Variants in EXT1 observed in about 807,000 individuals in gnomAD.
EXT1 encodes exostosin glycosyltransferase 1, also known as exostosin-1.
In EXT1, 20 loss-of-function variants were observed where a neutral mutation model predicts 82.5. The ratio of observed to expected loss-of-function variants is 0.24; its 90% CI spans 0.17 to 0.35. The LOEUF (loss-of-function observed/expected upper bound fraction) is 0.35. EXT1 is among the 10% of genes least tolerant of loss of function. EXT1 has a pLI of 1.00. For missense variants in EXT1, 757 were observed against 936.5 expected, an observed-to-expected ratio of 0.81 and a Z score of 2.50; for synonymous variants, 348 against 350.8, an observed-to-expected ratio of 0.99 and a Z score of 0.09.
chr8:118,078,302 A>G (rs1221778233), intron 1 of EXT1, among the ~76,000 whole-genome samples: 1 of 152,170 alleles, frequency 6.6e-6, no homozygotes, highest in African/African-American at 2.4e-5. Flanking sequence ...AGGTTCAAGC[A>G]ATTCTCATGT....
chr8:117,992,358 G>A (rs543861378), intron 1 of EXT1, among the ~76,000 whole-genome samples: 3 of 149,028 alleles, frequency 2.0e-5, no homozygotes, highest in Non-Finnish European at 3.0e-5. Flanking sequence ...ACATTCAGGA[G>A]AGCAGCTCTG....
At position 117,807,393 on chromosome 8, in the gene EXT1, A is replaced by C; in HGVS notation, c.1723-16T>G. On this transcript the variant is annotated splice_polypyrimidine_tract_variant and intron_variant, in intron 8 of 10. Coordinates refer to ENST00000378204, the MANE Select transcript of EXT1 (RefSeq NM_000127.3). Reference sequence around the variant, plus strand: ...CGAAATCCACCTGCAGGCAGAACACAAGCCAAACAAGCAATCAACAGTGTT... The same window carrying C: ...CGAAATCCACCTGCAGGCAGAACACCAGCCAAACAAGCAATCAACAGTGTT... 1 of 1,614,134 alleles carries C rather than the reference A, an allele frequency of 6.2e-7. No individual in the cohort carries two copies. The highest frequency in any genetic ancestry group is 8.5e-7 in the Non-Finnish European group (1 of 1,180,020).
chr8:117,814,060 A>T (rs1420147911), intron 7 of EXT1, among the ~76,000 whole-genome samples: 1 of 151,712 alleles, frequency 6.6e-6, no homozygotes, highest in Non-Finnish European at 1.5e-5. Flanking sequence ...GAGAAGGAGG[A>T]GAAGGAGGAG....
chr8:117,961,117 T>TTTCCCTCCTTCCCTCCTTCCCTCC (rs56326334), intron 1 of EXT1, among the ~76,000 whole-genome samples: 4 of 149,734 alleles, frequency 2.7e-5, no homozygotes, highest in Admixed American at 6.7e-5. Context: ...AAAGCATTTC[T>TTTCCCTCCTTCCCTCCTTCCCTCC]TTCCCTCCTT....
At chr8:117,832,129 A>G (rs906516134) in intron 3 of EXT1, among the ~76,000 whole-genome samples, 7 of 152,268 alleles carry the variant, frequency 4.6e-5, no homozygotes, top group Non-Finnish European at 1.0e-4. Context: ...ATCCTGTTCA[A>G]TTTTCATAAT....
At chr8:117,883,275 G>A (rs1204571407) in intron 1 of EXT1, among the ~76,000 whole-genome samples, 3 of 152,124 alleles carry the variant, frequency 2.0e-5, no homozygotes, top group Non-Finnish European at 2.9e-5. Context: ...CTAGTCCTGG[G>A]CACCCAGCCT....
rs540121248 is a variant in EXT1, at chr8:117,953,980, C to T, written c.963-116779G>A. ...TACCGAAAGATTATTATGTGCCTGGCACTGTCTTGCATGCTTTATATGTAT... is the reference window on the plus strand; with the variant it reads ...TACCGAAAGATTATTATGTGCCTGGTACTGTCTTGCATGCTTTATATGTAT... On this transcript the variant is annotated intron_variant, in intron 1 of 10. Coordinates refer to ENST00000378204, the MANE Select transcript of EXT1 (RefSeq NM_000127.3). Among the ~76,000 whole-genome samples, 14 of 152,248 alleles carry T rather than the reference C, an allele frequency of 9.2e-5. No homozygotes were observed. In the South Asian group the frequency reaches 2.9e-3, roughly 32 times the overall value.
chr8:117,810,928 G>A (rs17439576), intron 8 of EXT1, among the ~76,000 whole-genome samples: 12,900 of 152,128 alleles, frequency 0.085, 640 homozygotes, highest in East Asian at 0.16. Context: ...CAGTAGCCAC[G>A]TCCTTCCATG....
At chr8:118,027,315 A>T (rs1181121138) in intron 1 of EXT1, among the ~76,000 whole-genome samples, 3 of 34,646 alleles carry the variant, frequency 8.7e-5, no homozygotes, top group South Asian at 1.2e-3. Flanking sequence ...AGTTTCTTTC[A>T]CACACACACA....
intron 1 of EXT1, among the ~76,000 whole-genome samples, chr8:118,052,807 C>T (rs1005766705): frequency 6.6e-6 from 1 of 152,090 alleles, no homozygotes; most frequent in African/African-American, 2.4e-5. Flanking sequence ...TAGAGGAGGC[C>T]CATCTGTCTG....
At chr8:117,961,905 G>A (rs986094144) in intron 1 of EXT1, among the ~76,000 whole-genome samples, 2 of 152,158 alleles carry the variant, frequency 1.3e-5, no homozygotes, top group African/African-American at 4.8e-5. Flanking sequence ...GTCTTGATCT[G>A]CCAGCTCTCT....
At chr8:118,098,944 T>C (rs142368425) in intron 1 of EXT1, among the ~76,000 whole-genome samples, 97 of 152,192 alleles carry the variant, frequency 6.4e-4, no homozygotes, top group African/African-American at 2.3e-3. Flanking sequence ...TTGGCGGAAA[T>C]TGCTAAAGTT....
At chr8:117,958,125 T>C (rs529998768) in intron 1 of EXT1, among the ~76,000 whole-genome samples, 1 of 152,134 alleles carries the variant, frequency 6.6e-6, no homozygotes, top group Non-Finnish European at 1.5e-5. Context: ...CTTTTTTTTT[T>C]TAATAAGTGC....
intron 1 of EXT1, among the ~76,000 whole-genome samples, chr8:117,918,360 G>A (rs1346668206): frequency 6.6e-6 from 1 of 152,186 alleles, no homozygotes; most frequent in Admixed American, 6.5e-5. Flanking sequence ...ACCTTTAGTT[G>A]GAAATAAGGC....
At chr8:117,980,561 T>C (rs889893163) in intron 1 of EXT1, among the ~76,000 whole-genome samples, 1 of 152,164 alleles carries the variant, frequency 6.6e-6, no homozygotes, top group Non-Finnish European at 1.5e-5. Context: ...TCTTCCAACT[T>C]AATATATGGA....
At chr8:117,981,782 G>C (rs1221937422) in intron 1 of EXT1, among the ~76,000 whole-genome samples, 1 of 152,002 alleles carries the variant, frequency 6.6e-6, no homozygotes, top group Non-Finnish European at 1.5e-5. Flanking sequence ...GAAGGCTGAG[G>C]CACGAGAATC....
intron 1 of EXT1, among the ~76,000 whole-genome samples, chr8:117,991,524 C>A (rs1472014272): frequency 6.6e-6 from 1 of 151,920 alleles, no homozygotes; most frequent in African/African-American, 2.4e-5. Flanking sequence ...GCCTTTTGAA[C>A]TTGGCAACTA....
At chr8:117,997,244 A>AATATATATATATATATATATATATAT (rs1563624581) in intron 1 of EXT1, among the ~76,000 whole-genome samples, 4 of 128,772 alleles carry the variant, frequency 3.1e-5, no homozygotes, top group African/African-American at 1.4e-4. Context: ...TAGTTGTCAT[A>AATATATATATATATATATATATATAT]CTATATATAT....
chr8:118,105,949 A>G (rs1433492254), intron 1 of EXT1, among the ~76,000 whole-genome samples: 1 of 152,202 alleles, frequency 6.6e-6, no homozygotes, highest in Non-Finnish European at 1.5e-5. Flanking sequence ...CTTATTGTTC[A>G]GTCAATGCAC....
Sources: gnomAD v4.1 joint callset for allele counts (sites outside exome capture counted in the v4.1 genomes callset) on GRCh38, gnomAD v4.1.1 for gene constraint, MANE v1.5 for transcripts, NCBI Gene and HGNC (gene_info 2026-07-23, HGNC 2026-07-21) for gene names.